Variants in TMPRSS6 observed in about 807,000 individuals in gnomAD.
The protein encoded by TMPRSS6 is transmembrane protease serine 6.
In TMPRSS6, 67 loss-of-function variants were observed where a neutral mutation model predicts 101.5. The observed-to-expected ratio is 0.66, with a 90% CI of 0.54 to 0.81. The LOEUF (loss-of-function observed/expected upper bound fraction) is 0.81. Ranked by LOEUF, TMPRSS6 falls within the 30% of genes least tolerant of loss-of-function variation. The probability of loss-of-function intolerance (pLI) is 0.00; values close to 1 mark genes in which losing one functional copy is unlikely to be tolerated. For missense variants in TMPRSS6, 1,034 were observed against 1,088.7 expected (o/e 0.95, Z 0.71); for synonymous variants, 453 against 464.9 (o/e 0.97, Z 0.33).
intron 6 of TMPRSS6, among the ~76,000 whole-genome samples, chr22:37,091,388 G>T (rs904777873): frequency 6.6e-6 from 1 of 152,146 alleles, no homozygotes; most frequent in African/African-American, 2.4e-5. Flanking sequence ...TGTCAGCTTG[G>T]TCAGCCTGAG....
intron 1 of TMPRSS6, among the ~76,000 whole-genome samples, chr22:37,106,814 G>A (rs538765011): frequency 9.2e-5 from 14 of 152,262 alleles, no homozygotes; most frequent in Admixed American, 2.6e-4. Flanking sequence ...CCAGGCCCAC[G>A]AGACCCTGCC....
At chr22:37,089,231 C>G (rs1390093271) in intron 7 of TMPRSS6, among the ~76,000 whole-genome samples, 1 of 152,118 alleles carries the variant, frequency 6.6e-6, no homozygotes, top group Non-Finnish European at 1.5e-5. Context: ...AGGAAGCAGT[C>G]AGGATTTAGG....
At chr22:37,106,751 A>G (rs1930736776) in intron 1 of TMPRSS6, among the ~76,000 whole-genome samples, 2 of 152,134 alleles carry the variant, frequency 1.3e-5, no homozygotes, top group Admixed American at 1.3e-4. Context: ...CTCCATGGCC[A>G]GGCTGCTGTC....
At chr22:37,081,336 G>A (rs1157926945) in intron 10 of TMPRSS6, among the ~76,000 whole-genome samples, 1 of 152,204 alleles carries the variant, frequency 6.6e-6, no homozygotes, top group Non-Finnish European at 1.5e-5. Context: ...GTTGGGAGAT[G>A]TAAGTCCTCG....
chr22:37,078,103 CAG>C (rs1927833638), intron 10 of TMPRSS6, among the ~76,000 whole-genome samples: 1 of 152,224 alleles, frequency 6.6e-6, no homozygotes, highest in African/African-American at 2.4e-5. Context: ...AGGAAGTAGA[CAG>C]GGGAGCCAGG....
chr22:37,095,165 G>A (rs938240941), intron 6 of TMPRSS6, among the ~76,000 whole-genome samples: 1 of 152,142 alleles, frequency 6.6e-6, no homozygotes, highest in Non-Finnish European at 1.5e-5. Context: ...TAAAACCAAC[G>A]TGACTGACAA....
In TMPRSS6 at chr22:37,084,346, T is replaced by C. The variant is rs776378956; in HGVS notation, c.1145A>G (p.Gln382Arg). The change falls in exon 10 of 18, where the codon CAG becomes CGG. Residue 382 changes from glutamine to arginine, a missense_variant. Transcript: ENST00000676104. ...CTGGGTGCACGGCAAATCATACTTC[T>C]GCCTCCTCAGTGCATAGGCATCAAA... ...LWFDAYALRRQKYDLPCTQGQ... is the reference protein window; with the variant it reads ...LWFDAYALRRRKYDLPCTQGQ... 29 of 1,613,748 alleles carry C rather than the reference T, an allele frequency of 1.8e-5. No individual in the cohort carries two copies. Among genetic ancestry groups the C allele is most frequent in the Non-Finnish European group, 2.5e-5 (29 of 1,179,828 alleles).
intron 5 of TMPRSS6, 111 bp downstream of exon 5, chr22:37,095,795 G>C: frequency 2.1e-6 from 3 of 1,434,436 alleles, no homozygotes; most frequent in Non-Finnish European, 2.9e-6. Flanking sequence ...CTCCTGGGGG[G>C]CCCACCCTGA....
intron 6 of TMPRSS6, among the ~76,000 whole-genome samples, chr22:37,092,345 A>G (rs1413817231): frequency 6.6e-6 from 1 of 151,496 alleles, no homozygotes; most frequent in African/African-American, 2.4e-5. Flanking sequence ...ATTTTATTTT[A>G]TTGTTGAGAC....
chr22:37,109,761 G>T (rs1930955488), upstream of TMPRSS6, among the ~76,000 whole-genome samples: 1 of 149,480 alleles, frequency 6.7e-6, no homozygotes, highest in South Asian at 2.2e-4. Context: ...TGCCTGCCCC[G>T]CCCCATCTTC....
chr22:37,090,120 C>T (rs960801356), intron 6 of TMPRSS6, among the ~76,000 whole-genome samples: 2 of 152,286 alleles, frequency 1.3e-5, no homozygotes, highest in African/African-American at 2.4e-5. Flanking sequence ...CAGGAGGTGA[C>T]GGCTTCAAAC....
At chr22:37,109,457 G>C (rs1930936391) in intron 1 of TMPRSS6, 46 bp downstream of exon 1, 1 of 152,476 alleles carries the variant, frequency 6.6e-6, no homozygotes, top group South Asian at 2.1e-4. Flanking sequence ...ACTGTCACTA[G>C]GTCATTTATA....
At chr22:37,068,077 C>T (rs1451117771) in intron 16 of TMPRSS6, among the ~76,000 whole-genome samples, 3 of 152,184 alleles carry the variant, frequency 2.0e-5, no homozygotes, top group African/African-American at 7.2e-5. Flanking sequence ...TGGGCAGGAG[C>T]CTCCTCTGTG....
At chr22:37,070,674 G>T (rs565923168) in intron 14 of TMPRSS6, 22 bp from the exon 15 acceptor site, 3 of 1,608,906 alleles carry the variant, frequency 1.9e-6, no homozygotes, top group South Asian at 1.1e-5. Context: ...GGCAGGTGGT[G>T]GGGTGGACAG....
intron 10 of TMPRSS6, among the ~76,000 whole-genome samples, chr22:37,076,367 C>T (rs186040500): frequency 1.8e-4 from 28 of 152,296 alleles, no homozygotes; most frequent in East Asian, 5.8e-4. Context: ...CATGGCCACA[C>T]GGGGTGGGAC....
Position 37,084,757 on chromosome 22 carries a change from C to T in TMPRSS6, c.1056G>A (p.Ser352=), listed in dbSNP as rs2111833. ...LSTPYFPSYY[S]PQTHCSWHLT... ...GGTGCCAGGAGCAGTGGGTTTGGGGCGAGTAGTAGCTGGGGAAGTACGGGG... is the reference window on the plus strand; with the variant it reads ...GGTGCCAGGAGCAGTGGGTTTGGGGTGAGTAGTAGCTGGGGAAGTACGGGG... The change falls in exon 9 of 18, where the codon TCG becomes TCA. Residue 352 remains serine, a synonymous_variant. Transcript: ENST00000676104. The T allele has an allele frequency of 0.34, 527,809 of 1,564,542 alleles. 90,684 individuals carry two copies. The highest frequency in any genetic ancestry group is 0.38 in the African/African-American group (28,318 of 73,974).
chr22:37,068,602 G>A (rs1357347863), intron 16 of TMPRSS6: 2 of 779,656 alleles, frequency 2.6e-6, no homozygotes, highest in Non-Finnish European at 4.8e-6. Context: ...GTCCTCTCTG[G>A]CTGTGTGACT....
At chr22:37,068,750 T>G (rs1289229453) in intron 16 of TMPRSS6, 1 of 771,168 alleles carries the variant, frequency 1.3e-6, no homozygotes, top group Non-Finnish European at 2.4e-6. Flanking sequence ...TGCTAGTAAT[T>G]AAGAGCCTTC....
Position 37,089,703 on chromosome 22 carries a change from C to T in TMPRSS6, c.711G>A (p.Leu237=), listed in dbSNP as rs1929076108. Residue 237 remains leucine (L), a synonymous_variant, in exon 7 of 18, where the codon CTG becomes CTA. Coordinates refer to ENST00000676104, the MANE Select transcript of TMPRSS6 (RefSeq NM_001374504.1). ...GGTCCTTGGGGCCCTGCAGGTGCCA[C>T]AGGCAGCTGGAGGCCAGGTGGTCAG... is the stretch of plus-strand genomic sequence containing the variant. The part of the protein sequence containing the change: ...KGPDHLASSC[L]WHLQGPKDLM... The T allele has an allele frequency of 6.2e-7, 1 of 1,612,024 alleles. No individual in the cohort carries two copies. Among genetic ancestry groups the T allele is most frequent in the South Asian group, 1.1e-5 (1 of 90,654 alleles).
Sources: gnomAD v4.1 joint callset for allele counts (sites outside exome capture counted in the v4.1 genomes callset) on GRCh38, gnomAD v4.1.1 for gene constraint, MANE v1.5 for transcripts, NCBI Gene and HGNC (gene_info 2026-07-23, HGNC 2026-07-21) for gene names.